CNTNAP4: variants seen among roughly 807,000 people sequenced by gnomAD.
CNTNAP4 encodes contactin associated protein family member 4, also known as contactin-associated protein-like 4.
In CNTNAP4, 98 loss-of-function variants were observed where a neutral mutation model predicts 148.4. The observed-to-expected ratio is 0.66, with a 90% CI of 0.56 to 0.78. CNTNAP4 has a LOEUF of 0.78. CNTNAP4 is among the 30% of genes least tolerant of loss of function. The pLI, the probability that CNTNAP4 is intolerant of heterozygous loss-of-function variation, is 0.00. For synonymous variants in CNTNAP4, 730 were observed against 565.1 expected, an observed-to-expected ratio of 1.29 and a Z score of -4.14; for missense variants, 1,935 against 1,565.6, an observed-to-expected ratio of 1.24 and a Z score of -3.98.
chr16:76,556,712 T>C (rs142578692), intron 23 of CNTNAP4, among the ~76,000 whole-genome samples: 3 of 152,338 alleles, frequency 2.0e-5, no homozygotes, highest in Admixed American at 1.3e-4. Context: ...ACAACAAATA[T>C]TCTGATTAAA....
At chr16:76,365,806 A>G (rs1342035958) in intron 3 of CNTNAP4, among the ~76,000 whole-genome samples, 1 of 151,816 alleles carries the variant, frequency 6.6e-6, no homozygotes, top group Non-Finnish European at 1.5e-5. Flanking sequence ...CTTTTTATAA[A>G]GGTAATTCAG....
At chr16:76,460,040 GAAAC>G (rs2080881319) in intron 8 of CNTNAP4, among the ~76,000 whole-genome samples, 1 of 152,146 alleles carries the variant, frequency 6.6e-6, no homozygotes, top group Non-Finnish European at 1.5e-5. Flanking sequence ...TAAGTAAATA[GAAAC>G]AATCATATTT....
intron 20 of CNTNAP4, among the ~76,000 whole-genome samples, chr16:76,540,281 A>G (rs1171247523): frequency 1.3e-5 from 2 of 152,118 alleles, no homozygotes; most frequent in East Asian, 3.9e-4. Flanking sequence ...AGCACTAATA[A>G]TTTTTTGGTT....
intron 1 of CNTNAP4, among the ~76,000 whole-genome samples, chr16:76,298,966 A>T (rs1201528608): frequency 6.6e-6 from 1 of 152,140 alleles, no homozygotes; most frequent in Non-Finnish European, 1.5e-5. Flanking sequence ...GGGACTTCTA[A>T]CTTCATTAGT....
At chr16:76,306,031 G>A (rs1195326807) in intron 1 of CNTNAP4, among the ~76,000 whole-genome samples, 1 of 152,196 alleles carries the variant, frequency 6.6e-6, no homozygotes, top group African/African-American at 2.4e-5. Context: ...TGGTATATAT[G>A]TATCACAGTT....
At chr16:76,518,825 G>T (rs1294085578) in intron 15 of CNTNAP4, among the ~76,000 whole-genome samples, 1 of 152,022 alleles carries the variant, frequency 6.6e-6, no homozygotes, top group African/African-American at 2.4e-5. Context: ...TGTATTCATT[G>T]CCCAATCTCT....
rs372665319 is a variant in CNTNAP4 at position 76,558,563 on chromosome 16, G to T, written c.3807G>T (p.Arg1269Ser). 17 of 1,612,586 alleles carry T rather than the reference G, an allele frequency of 1.1e-5. No homozygotes were observed. Among genetic ancestry groups the T allele is most frequent in the Middle Eastern group, 1.7e-4 (1 of 6,060 alleles). Residue 1269 changes from arginine to serine, a missense_variant, in exon 24 of 24, where the codon AGG becomes AGT. By Grantham distance (110) the Arg-to-Ser change is moderately radical. Transcript: ENST00000611870. ...AIAVRIYQQK[R>S]LYKRSEAKRS... ...CTGTTCGCATTTATCAGCAGAAAAG[G>T]TTATATAAAAGAAGTGAGGCAAAAA...
chr16:76,372,224 C>G (rs1181579452), intron 3 of CNTNAP4, among the ~76,000 whole-genome samples: 2 of 149,672 alleles, frequency 1.3e-5, no homozygotes, highest in Non-Finnish European at 2.9e-5. Flanking sequence ...ACTGCAAGCT[C>G]CGCCTCCCAG....
chr16:76,383,151 C>T (rs1416745307), intron 3 of CNTNAP4, among the ~76,000 whole-genome samples: 1 of 150,538 alleles, frequency 6.6e-6, no homozygotes, highest in African/African-American at 2.4e-5. Flanking sequence ...CTCAGGGTAA[C>T]CAAATATTTA....
chr16:76,376,680 A>T (rs1222347931), intron 3 of CNTNAP4, among the ~76,000 whole-genome samples: 2 of 152,186 alleles, frequency 1.3e-5, no homozygotes, highest in Admixed American at 6.5e-5. Context: ...AACTGTGCAT[A>T]CACAGGAACT....
intron 12 of CNTNAP4, among the ~76,000 whole-genome samples, chr16:76,485,848 T>C (rs1282099128): frequency 6.6e-6 from 1 of 152,198 alleles, no homozygotes; most frequent in African/African-American, 2.4e-5. Flanking sequence ...TGCAGTCTTA[T>C]TTACATCAAG....
intron 3 of CNTNAP4, among the ~76,000 whole-genome samples, chr16:76,399,861 T>A (rs575362633): frequency 6.6e-6 from 1 of 152,332 alleles, no homozygotes; most frequent in South Asian, 2.1e-4. Context: ...TGCTAATTTT[T>A]CAATAGTCTC....
chr16:76,290,933 G>T (rs1195811104), intron 1 of CNTNAP4, among the ~76,000 whole-genome samples: 5 of 152,166 alleles, frequency 3.3e-5, no homozygotes, highest in Non-Finnish European at 4.4e-5. Context: ...TCCTTGCTGT[G>T]TCTTATGTGG....
At chr16:76,322,461 G>C (rs944311980) in intron 2 of CNTNAP4, among the ~76,000 whole-genome samples, 3 of 152,148 alleles carry the variant, frequency 2.0e-5, no homozygotes, top group African/African-American at 7.2e-5. Flanking sequence ...TAGTTGAAGA[G>C]CGACTTCTTT....
At chr16:76,467,326 T>A (rs1466308236) in intron 9 of CNTNAP4, 26 bp from the exon 10 acceptor site, 1 of 1,607,654 alleles carries the variant, frequency 6.2e-7, no homozygotes. Flanking sequence ...TTGTGATGCG[T>A]ACTGGATTTA....
chr16:76,373,926 G>A (rs1342103090), intron 3 of CNTNAP4, among the ~76,000 whole-genome samples: 1 of 150,420 alleles, frequency 6.6e-6, no homozygotes, highest in Non-Finnish European at 1.5e-5. Context: ...AAAAGGAAAG[G>A]AAACAGGAAG....
At chr16:76,318,860 G>T (rs1962109265) in intron 2 of CNTNAP4, among the ~76,000 whole-genome samples, 1 of 151,416 alleles carries the variant, frequency 6.6e-6, no homozygotes, top group African/African-American at 2.4e-5. Flanking sequence ...CTAGGAAAAA[G>T]TGTTCAGCCA....
At chr16:76,540,662 C>T in intron 20 of CNTNAP4, 41 bp from the exon 21 acceptor site, 5 of 1,407,990 alleles carry the variant, frequency 3.6e-6, no homozygotes, top group Non-Finnish European at 4.9e-6. Flanking sequence ...AACAAAACGT[C>T]ATCCATTTGG....
chr16:76,407,516 C>A (rs563367231), intron 3 of CNTNAP4, among the ~76,000 whole-genome samples: 3 of 151,720 alleles, frequency 2.0e-5, no homozygotes, highest in African/African-American at 4.8e-5. Flanking sequence ...TGATTCCAAC[C>A]CTTAGGGATG....
Sources: allele counts gnomAD v4.1 joint callset (sites outside exome capture counted in the v4.1 genomes callset), GRCh38; gene constraint gnomAD v4.1.1; transcripts MANE v1.5; gene names NCBI Gene and HGNC (gene_info 2026-07-23, HGNC 2026-07-21).